The following STK3 variants were observed in gnomAD, a reference collection of about 807,000 sequenced individuals.
The protein encoded by STK3 is serine/threonine-protein kinase 3.
A neutral mutation model predicts 58.0 loss-of-function variants in STK3; 41 were observed. The observed-to-expected ratio is 0.71, with a 90% CI of 0.55 to 0.92. The LOEUF is 0.92. STK3 is among the 40% of genes least tolerant of loss of function. The pLI, the probability that STK3 is intolerant of heterozygous loss-of-function variation, is 0.00. For synonymous variants in STK3, 170 were observed against 191.0 expected (o/e 0.89, Z 0.91); for missense variants, 479 against 602.7 (o/e 0.79, Z 2.15).
chr8:98,752,379 C>G (rs1297803704), intron 3 of STK3, among the ~76,000 whole-genome samples: 4 of 152,200 alleles, frequency 2.6e-5, no homozygotes, highest in Non-Finnish European at 5.9e-5. Flanking sequence ...ATAAATGGTG[C>G]TGGGATAACC....
At chr8:98,696,774 G>C (rs1174296147) in intron 6 of STK3, among the ~76,000 whole-genome samples, 9 of 151,810 alleles carry the variant, frequency 5.9e-5, no homozygotes, top group Admixed American at 2.6e-4. Context: ...TTTTATTGAG[G>C]ATTTTTGCAT....
chr8:98,345,726 G>A, the STK3 span, among the ~76,000 whole-genome samples: 1 of 152,050 alleles, frequency 6.6e-6, no homozygotes, highest in East Asian at 1.9e-4. Context: ...TGACACAGAT[G>A]TTGGAATTAG....
chr8:98,372,248 A>T (rs1417410491), intron 2 of STK3, among the ~76,000 whole-genome samples: 3 of 152,182 alleles, frequency 2.0e-5, no homozygotes, highest in Non-Finnish European at 4.4e-5. Flanking sequence ...GAACTGTGGG[A>T]GAATCCATTT....
chr8:98,566,246 G>A (rs189914127), intron 8 of STK3, among the ~76,000 whole-genome samples: 3 of 152,156 alleles, frequency 2.0e-5, no homozygotes, highest in Admixed American at 2.0e-4. Flanking sequence ...ACAGGTGTAT[G>A]CACTAAAATT....
At chr8:98,633,061 G>A (rs964778715) in intron 6 of STK3, among the ~76,000 whole-genome samples, 3 of 152,186 alleles carry the variant, frequency 2.0e-5, no homozygotes, top group Admixed American at 2.0e-4. Flanking sequence ...TTCATAATGT[G>A]GTAGAGAAGT....
At chr8:98,663,107 A>AG (rs1471346805) in intron 6 of STK3, among the ~76,000 whole-genome samples, 1 of 152,198 alleles carries the variant, frequency 6.6e-6, no homozygotes, top group African/African-American at 2.4e-5. Flanking sequence ...ACAGAACGGG[A>AG]AAAATTTTTG....
chr8:98,590,499 A>G (rs1013491104), intron 7 of STK3, among the ~76,000 whole-genome samples: 8 of 152,138 alleles, frequency 5.3e-5, no homozygotes, highest in Admixed American at 4.6e-4. Context: ...GGTGAGATGT[A>G]TCTTGGGCTG....
intron 1 of STK3, among the ~76,000 whole-genome samples, chr8:98,788,032 AC>A (rs1396629897): frequency 6.6e-6 from 1 of 152,218 alleles, no homozygotes; most frequent in Non-Finnish European, 1.5e-5. Flanking sequence ...AATTTAAAAA[AC>A]AAAACAAAAC....
intron 3 of STK3, among the ~76,000 whole-genome samples, chr8:98,858,333 G>GAGAGAA (rs1265763696): frequency 8.3e-6 from 1 of 120,302 alleles, no homozygotes; most frequent in Non-Finnish European, 1.7e-5. Context: ...TAGAGAGAGA[G>GAGAGAA]AGAGAGAGAG....
chr8:98,779,860 C>T (rs771545817), intron 1 of STK3, among the ~76,000 whole-genome samples: 1 of 151,502 alleles, frequency 6.6e-6, no homozygotes, highest in Non-Finnish European at 1.5e-5. Context: ...CACTGAGTAA[C>T]CTTATATATA....
chr8:98,360,756 A>G, the STK3 span, among the ~76,000 whole-genome samples: 1 of 152,112 alleles, frequency 6.6e-6, no homozygotes. Context: ...TGTTTAACTA[A>G]ATGTCAAAGT....
downstream of STK3, among the ~76,000 whole-genome samples, chr8:98,450,153 T>C (rs1373441268): frequency 1.3e-5 from 2 of 152,124 alleles, no homozygotes; most frequent in Non-Finnish European, 2.9e-5. Flanking sequence ...TTGAGCATGA[T>C]AGATTCTCCT....
At chr8:98,915,859 C>T (rs778906243) in intron 1 of STK3, among the ~76,000 whole-genome samples, 28 of 152,050 alleles carry the variant, frequency 1.8e-4, no homozygotes, top group Non-Finnish European at 3.2e-4. Flanking sequence ...GCTCATATTT[C>T]CTTTACTAGT....
At chr8:98,657,570 A>C (rs2130766554) in intron 6 of STK3, among the ~76,000 whole-genome samples, 1 of 152,258 alleles carries the variant, frequency 6.6e-6, no homozygotes, top group African/African-American at 2.4e-5. Flanking sequence ...AATACATTAA[A>C]ATATTTGTAT....
At chr8:98,818,198 T>C (rs558183447) in intron 1 of STK3, among the ~76,000 whole-genome samples, 1 of 152,366 alleles carries the variant, frequency 6.6e-6, no homozygotes, top group East Asian at 1.9e-4. Context: ...CCAACTGCCC[T>C]ATTAAGCAGG....
chr8:98,504,016 A>C (rs1057127496), intron 10 of STK3, among the ~76,000 whole-genome samples: 2 of 152,162 alleles, frequency 1.3e-5, no homozygotes, highest in Middle Eastern at 3.4e-3. Flanking sequence ...ACTGTGTGGG[A>C]GTCTAAGTCT....
At position 98,578,208 on chromosome 8, in the gene STK3, A is replaced by G. The variant is rs145648571; in HGVS notation, c.948+1456T>C. Among the ~76,000 whole-genome samples, 381 of 152,362 alleles carry G rather than the reference A, an allele frequency of 2.5e-3. 2 individuals are homozygous for G. The highest frequency in any genetic ancestry group is 3.6e-3 in the Non-Finnish European group (242 of 68,028). ...TGTATCTATCATCACACAGGAATCC[A>G]GGGTAGGAAATATGAAACCCCCTGA... On this transcript the variant is annotated intron_variant, in intron 8 of 10. Coordinates refer to ENST00000419617, the MANE Select transcript of STK3 (RefSeq NM_006281.4).
At chr8:98,872,215 CT>C (rs1291597870) in intron 3 of STK3, among the ~76,000 whole-genome samples, 2 of 152,094 alleles carry the variant, frequency 1.3e-5, no homozygotes, top group African/African-American at 4.8e-5. Context: ...GGTGGATAAG[CT>C]TTTTGATGTG....
At chr8:98,373,157 A>G (rs573465598) in intron 2 of STK3, among the ~76,000 whole-genome samples, 1 of 152,298 alleles carries the variant, frequency 6.6e-6, no homozygotes, top group East Asian at 1.9e-4. Flanking sequence ...TTGGTGCTCC[A>G]TAAATGGCAG....
Sources: gnomAD v4.1 joint callset for allele counts (sites outside exome capture counted in the v4.1 genomes callset) on GRCh38, gnomAD v4.1.1 for gene constraint, MANE v1.5 for transcripts, NCBI Gene and HGNC (gene_info 2026-07-23, HGNC 2026-07-21) for gene names.